The following ADARB2 variants were observed in gnomAD, a reference collection of about 807,000 sequenced individuals.
ADARB2 encodes inactive double-stranded RNA-specific editase B2.
Under a neutral mutation model 62.2 loss-of-function variants are expected in ADARB2, and 25 were observed. That is an observed-to-expected ratio of 0.40 (90% CI 0.29 to 0.56). The LOEUF is 0.56. Ranked by LOEUF, ADARB2 falls within the 20% of genes least tolerant of loss-of-function variation. ADARB2 has a pLI of 0.43. For synonymous variants in ADARB2, 572 were observed against 500.8 expected (o/e 1.14, Z -1.90); for missense variants, 1,071 against 1,077.4 (o/e 0.99, Z 0.08).
chr10:1,248,803 T>C (rs1831010869), intron 4 of ADARB2, among the ~76,000 whole-genome samples: 1 of 152,196 alleles, frequency 6.6e-6, no homozygotes, highest in African/African-American at 2.4e-5. Context: ...TACGAATTTC[T>C]ATAGAATAAG....
chr10:1,212,406 G>C (rs1340871920), intron 7 of ADARB2, among the ~76,000 whole-genome samples: 2 of 152,216 alleles, frequency 1.3e-5, no homozygotes, highest in African/African-American at 4.8e-5. Context: ...TCTATGCTCA[G>C]GTCTGATTTT....
At chr10:1,401,358 G>A (rs564986555) in intron 1 of ADARB2, among the ~76,000 whole-genome samples, 85 of 152,198 alleles carry the variant, frequency 5.6e-4, no homozygotes, top group Non-Finnish European at 1.1e-3. Flanking sequence ...CCCGGCCTTC[G>A]GTCATGCTGC....
chr10:1,269,461 A>G (rs371857135), intron 4 of ADARB2, among the ~76,000 whole-genome samples: 4 of 152,362 alleles, frequency 2.6e-5, no homozygotes, highest in East Asian at 1.9e-4. Context: ...CTTACATGGT[A>G]CTTGCCATGG....
chr10:1,343,874 G>T (rs1026853323), intron 3 of ADARB2, among the ~76,000 whole-genome samples: 2 of 152,186 alleles, frequency 1.3e-5, no homozygotes, highest in Non-Finnish European at 2.9e-5. Flanking sequence ...ACTACTTGAG[G>T]GTGAAGGGTG....
rs777100625 is a variant in ADARB2 at position 1,521,546 on chromosome 10, G to C, written c.101-142386C>G. On this transcript the variant is annotated intron_variant, in intron 1 of 9. Transcript: ENST00000381312. ...AGACATGCCTCATGATGCCTCTCCG[G>C]CATTAACAGCAACACAGACCTTAAG... is the stretch of plus-strand genomic sequence containing the variant. 2.7e-3 allele frequency among the ~76,000 whole-genome samples: 411 copies of C among 152,290 alleles called. 2 individuals carry two copies. The highest frequency in any genetic ancestry group is 3.0e-3 in the Non-Finnish European group (202 of 68,026).
At chr10:1,585,934 T>C (rs1450275057) in intron 1 of ADARB2, among the ~76,000 whole-genome samples, 2 of 152,160 alleles carry the variant, frequency 1.3e-5, no homozygotes, top group African/African-American at 4.8e-5. Context: ...CTTGGGAGGC[T>C]GAGGCAGGAG....
At chr10:1,344,063 T>C (rs1326111401) in intron 3 of ADARB2, among the ~76,000 whole-genome samples, 1 of 152,218 alleles carries the variant, frequency 6.6e-6, no homozygotes, top group Non-Finnish European at 1.5e-5. Context: ...GAGGCATCTG[T>C]GTGATTGAGC....
chr10:1,557,647 T>C (rs1382255177), intron 1 of ADARB2, among the ~76,000 whole-genome samples: 1 of 152,166 alleles, frequency 6.6e-6, no homozygotes, highest in African/African-American at 2.4e-5. Context: ...CTCACACCTG[T>C]AATCCCAGCA....
At chr10:1,357,684 T>C (rs1233605815) in intron 3 of ADARB2, among the ~76,000 whole-genome samples, 1 of 152,220 alleles carries the variant, frequency 6.6e-6, no homozygotes, top group African/African-American at 2.4e-5. Context: ...AGGCCTTTTA[T>C]TTGCTTTTAA....
chr10:1,473,971 T>C (rs61831882), intron 1 of ADARB2, among the ~76,000 whole-genome samples: 189 of 4,910 alleles, frequency 0.038, 4 homozygotes, highest in South Asian at 0.12. Context: ...GTGCAGGAGA[T>C]GTGCCTTTCC....
intron 1 of ADARB2, among the ~76,000 whole-genome samples, chr10:1,521,903 T>G (rs1832078600): frequency 6.6e-6 from 1 of 152,018 alleles, no homozygotes; most frequent in Non-Finnish European, 1.5e-5. Context: ...AAAACCAAGC[T>G]GCGCCCCGAC....
chr10:1,200,386 G>A, intron 7 of ADARB2: 1 of 558,164 alleles, frequency 1.8e-6, no homozygotes. Context: ...TCTCTTTTCT[G>A]AAAATGAGTC....
chr10:1,726,090 G>T (rs528453535), intron 1 of ADARB2, among the ~76,000 whole-genome samples: 13 of 152,164 alleles, frequency 8.5e-5, no homozygotes, highest in Non-Finnish European at 1.8e-4. Context: ...ATACTATTAC[G>T]GGTAAGGATC....
chr10:1,588,417 T>G (rs4880882), intron 1 of ADARB2, among the ~76,000 whole-genome samples: 10,346 of 152,228 alleles, frequency 0.068, 825 homozygotes, highest in East Asian at 0.33. Flanking sequence ...TATAAGGAAC[T>G]TGATAGGCCA....
intron 4 of ADARB2, among the ~76,000 whole-genome samples, chr10:1,257,633 G>A (rs995246207): frequency 1.3e-5 from 2 of 152,214 alleles, no homozygotes; most frequent in Non-Finnish European, 2.9e-5. Flanking sequence ...CAGACACACT[G>A]TGCAGTGAGG....
chr10:1,464,642 G>T lies in ADARB2; in HGVS notation c.101-85482C>A, dbSNP rs71491393. 1.2e-4 allele frequency among the ~76,000 whole-genome samples: 8 copies of T among 69,512 alleles called. 3 individuals carry two copies. Among genetic ancestry groups the T allele is most frequent in the Non-Finnish European group, 2.1e-4 (7 of 33,332 alleles). 45.6% of individuals were successfully genotyped at this position (69,512 alleles called of 152,430 possible). ...TGGGGGCAGTCACAGCGGGCAGCAC[G>T]CTGGAGAAGAGGGTGGACACACACT... On this transcript the variant is annotated intron_variant, in intron 1 of 9. Coordinates refer to ENST00000381312, the MANE Select transcript of ADARB2 (RefSeq NM_018702.4).
At chr10:1,278,555 C>T (rs974949937) in intron 3 of ADARB2, among the ~76,000 whole-genome samples, 7 of 151,442 alleles carry the variant, frequency 4.6e-5, no homozygotes, top group South Asian at 2.1e-4. Flanking sequence ...TTTAGGATGA[C>T]GGCCTCCAGC....
intron 1 of ADARB2, among the ~76,000 whole-genome samples, chr10:1,673,545 A>G (rs901220416): frequency 3.9e-5 from 6 of 152,242 alleles, no homozygotes; most frequent in Non-Finnish European, 8.8e-5. Context: ...ACAAAGAAAC[A>G]CGTCGCTTAG....
At chr10:1,449,009 G>C (rs1307928525) in intron 1 of ADARB2, among the ~76,000 whole-genome samples, 4 of 152,176 alleles carry the variant, frequency 2.6e-5, no homozygotes, top group African/African-American at 7.2e-5. Context: ...GGAGAAGCGA[G>C]TTCGGGGAGA....
Sources: allele counts gnomAD v4.1 joint callset (sites outside exome capture counted in the v4.1 genomes callset), GRCh38; gene constraint gnomAD v4.1.1; transcripts MANE v1.5; gene names NCBI Gene and HGNC (gene_info 2026-07-23, HGNC 2026-07-21).